QSOX2: variants seen among roughly 807,000 people sequenced by gnomAD.
QSOX2 encodes quiescin sulfhydryl oxidase 2.
Under a neutral mutation model 61.7 loss-of-function variants are expected in QSOX2, and 46 were observed. The observed-to-expected ratio is 0.75, with a 90% confidence interval of 0.59 to 0.95. The LOEUF (loss-of-function observed/expected upper bound fraction) is 0.95. Ranked by LOEUF, QSOX2 falls within the 40% of genes least tolerant of loss-of-function variation. QSOX2 has a pLI of 0.00. For synonymous variants in QSOX2, 383 were observed against 388.4 expected, an observed-to-expected ratio of 0.99 and a Z score of 0.16; for missense variants, 879 against 918.9, an observed-to-expected ratio of 0.96 and a Z score of 0.56.
At position 136,221,735 on chromosome 9, in the gene QSOX2, G is replaced by A. The variant is rs1417141720; in HGVS notation, c.821+61C>T. The A allele has an allele frequency of 1.1e-5, 16 of 1,505,354 alleles. No individual in the cohort carries two copies. The highest frequency in any genetic ancestry group is 1.2e-5 in the Non-Finnish European group (14 of 1,120,858). The allele number at this position is 1,505,354 out of a possible 1,614,324, so 93.2% of individuals were successfully genotyped here. A position where few individuals can be genotyped will look rare whatever the true frequency, so the allele number is the denominator to read the frequency against. On this transcript the variant is annotated intron_variant, in intron 6 of 11. Transcript: ENST00000358701. The surrounding 1 kb of genome is among the most constrained non-coding windows in gnomAD (Gnocchi z 4.5). Reference sequence around the variant, plus strand: ...CACACCAGACTTGCACTGTCTACTCGGAGCCTCTGTCCGGTAACTCCGAGC... The same window carrying A: ...CACACCAGACTTGCACTGTCTACTCAGAGCCTCTGTCCGGTAACTCCGAGC...
intron 8 of QSOX2, among the ~76,000 whole-genome samples, chr9:136,217,681 G>A (rs1225972423): frequency 6.6e-6 from 1 of 152,210 alleles, no homozygotes; most frequent in African/African-American, 2.4e-5. Context: ...CGGAGAAGCC[G>A]GGAGAGGAGA....
Position 136,218,611 on chromosome 9 carries a change from GC to G in QSOX2, c.1086+67del, listed in dbSNP as rs533000915. 787 of 1,539,698 alleles carry G rather than the reference GC, an allele frequency of 5.1e-4. 11 individuals carry two copies. The South Asian group carries it at 9.3e-3, about 18-fold the overall frequency. On this transcript the variant is annotated intron_variant, in intron 8 of 11. Coordinates refer to ENST00000358701, the MANE Select transcript of QSOX2 (RefSeq NM_181701.4). ...TGGCGGAGCCCCCGCAGTGTCCGAC[GC>G]CCCCCAGGGCCCACTCTGTGCAGAG...
chr9:136,213,246 T>G (rs1475797185), intron 10 of QSOX2, among the ~76,000 whole-genome samples: 79 of 54,548 alleles, frequency 1.4e-3, no homozygotes, highest in African/African-American at 3.2e-3. Flanking sequence ...TTGTTGTGTT[T>G]TTTTTTTTTT....
rs1554758417 is a variant in QSOX2 at position 136,245,555 on chromosome 9, G to C, written c.249C>G (p.Leu83=). The C allele has an allele frequency of 6.3e-7, 1 of 1,584,756 alleles. No individual in the cohort carries two copies. Among genetic ancestry groups the C allele is most frequent in the Non-Finnish European group, 8.5e-7 (1 of 1,174,092 alleles). The change falls in exon 1 of 12, where the codon CTC becomes CTG. Residue 83 remains leucine, a synonymous_variant. Transcript: ENST00000358701. Reference sequence around the variant, plus strand: ...CACACCACGACGAGTAGAACTGCACGAGCCACGCGGCCGAGCTGTTGGCGG... The same window carrying C: ...CACACCACGACGAGTAGAACTGCACCAGCCACGCGGCCGAGCTGTTGGCGG... ...GATANSSAAW[L]VQFYSSWCGH...
rs145962136 is a variant in QSOX2, at chr9:136,222,338, G to A, written c.676-397C>T. Reference sequence around the variant, plus strand: ...CTTCGTGGCCGGGGCAGCAGGCCTCGTGCTGCCGCTCCTCCCCAGCCACCC... The same window carrying A: ...CTTCGTGGCCGGGGCAGCAGGCCTCATGCTGCCGCTCCTCCCCAGCCACCC... On this transcript the variant is annotated intron_variant, in intron 5 of 11. Coordinates refer to ENST00000358701, the MANE Select transcript of QSOX2 (RefSeq NM_181701.4). This position sits in a 1 kb window ranked among gnomAD's most constrained non-coding sequence, Gnocchi z 6.9. 9.1e-3 allele frequency among the ~76,000 whole-genome samples: 1,378 copies of A among 152,238 alleles called. 6 individuals are homozygous for A. Among genetic ancestry groups the A allele is most frequent in the Non-Finnish European group, 0.015 (998 of 68,008 alleles).
At chr9:136,234,517 C>G (rs559814171) in intron 1 of QSOX2, among the ~76,000 whole-genome samples, 1 of 152,196 alleles carries the variant, frequency 6.6e-6, no homozygotes, top group Non-Finnish European at 1.5e-5. Context: ...CCTAGAGCAA[C>G]GGTGGCAAAT....
intron 11 of QSOX2, 36 bp downstream of exon 11, chr9:136,211,228 C>A (rs1487396707): frequency 6.2e-7 from 1 of 1,605,280 alleles, no homozygotes; most frequent in Non-Finnish European, 8.5e-7. Context: ...CCTCCCTCCG[C>A]CCGTGCTGAG....
At position 136,219,150 on chromosome 9, in the gene QSOX2, C is replaced by T. The variant is rs766516788; in HGVS notation, c.836G>A (p.Arg279Gln). 7.4e-6 allele frequency: 12 copies of T among 1,613,692 alleles called. No homozygotes were observed. The highest frequency in any genetic ancestry group is 4.5e-5 in the East Asian group (2 of 44,892). Residue 279 changes from arginine (R) to glutamine (Q), a missense_variant, in exon 7 of 12, where the codon CGG becomes CAG. Coordinates refer to ENST00000358701, the MANE Select transcript of QSOX2 (RefSeq NM_181701.4). ...CTTCAAATAAGACGAAAAGAAGGCC[C>T]GCAGAGGCTTCACGCTGTGAGAGAG... is the stretch of plus-strand genomic sequence containing the variant. ...HGLINVVKPL[R>Q]AFFSSYLKSL...
chr9:136,225,188 G>A (rs1830267935), intron 2 of QSOX2, among the ~76,000 whole-genome samples: 1 of 152,164 alleles, frequency 6.6e-6, no homozygotes, highest in South Asian at 2.1e-4. Flanking sequence ...CAACTGGGCT[G>A]GAATCATAAA....
rs937295271 is a variant in QSOX2, at chr9:136,208,112, G to C, written c.*616C>G. On this transcript the variant is annotated 3_prime_UTR_variant, in exon 12 of 12. Transcript: ENST00000358701. ...CCCGGAGGAACAAGGAGAGCCCTCA[G>C]GAACCTGCCCTAGGGAAGCAGCTAC... is the stretch of plus-strand genomic sequence containing the variant. 1 of 151,878 alleles carries C rather than the reference G, an allele frequency of 6.6e-6. No homozygotes were observed. The highest frequency in any genetic ancestry group is 2.4e-5 in the African/African-American group (1 of 41,188). 9.4% of individuals were successfully genotyped at this position (151,878 alleles called of 1,614,324 possible).
intron 1 of QSOX2, among the ~76,000 whole-genome samples, chr9:136,228,828 T>C (rs1056762983): frequency 1.3e-5 from 2 of 152,224 alleles, no homozygotes; most frequent in South Asian, 2.1e-4. Flanking sequence ...TTTTTTGCCT[T>C]GTATTCCGAT....
intron 1 of QSOX2, among the ~76,000 whole-genome samples, chr9:136,228,288 G>C (rs978479537): frequency 4.6e-5 from 7 of 152,162 alleles, no homozygotes; most frequent in African/African-American, 1.7e-4. Flanking sequence ...TGATGAGCTG[G>C]GACAATTCTG....
intron 1 of QSOX2, among the ~76,000 whole-genome samples, chr9:136,236,833 A>G (rs145160933): frequency 0.014 from 1,706 of 124,220 alleles, 31 homozygotes; most frequent in African/African-American, 0.049. Flanking sequence ...CCTGGTGCCC[A>G]TCCTGTCCCA....
Position 136,207,306 on chromosome 9 carries a change from CAT to C in QSOX2, c.*1420_*1421del, listed in dbSNP as rs1231269532. 6.6e-6 allele frequency: 1 copy of C among 151,510 alleles called. No homozygotes were observed. The highest frequency in any genetic ancestry group is 6.6e-5 in the Admixed American group (1 of 15,198). 9.4% of individuals were successfully genotyped at this position (151,510 alleles called of 1,614,324 possible). On this transcript the variant is annotated 3_prime_UTR_variant, in exon 12 of 12. Transcript: ENST00000358701. ...TGTTAGTAAACACATGATTATACAA[CAT>C]AAAGTAGGCAAAGCGGAAAAAATAT...
At chr9:136,235,574 G>A (rs945677062) in intron 1 of QSOX2, among the ~76,000 whole-genome samples, 3 of 152,350 alleles carry the variant, frequency 2.0e-5, no homozygotes, top group East Asian at 1.9e-4. Context: ...CAACAGCCAC[G>A]GGCAGCCACT....
rs144854275 is a variant in QSOX2 at position 136,223,381 on chromosome 9, A to C, written c.675+382T>G. On this transcript the variant is annotated intron_variant, in intron 5 of 11. Transcript: ENST00000358701. The surrounding 1 kb of genome is among the most constrained non-coding windows in gnomAD (Gnocchi z 4.4). ...CGTTTTACAGAATCTTGGATTTGGCAAAAATGTTGAGAGTTCAGAATACGG... is the reference window on the plus strand; with the variant it reads ...CGTTTTACAGAATCTTGGATTTGGCCAAAATGTTGAGAGTTCAGAATACGG... 0.014 allele frequency among the ~76,000 whole-genome samples: 2,072 copies of C among 152,328 alleles called. 23 individuals carry two copies. The highest frequency in any genetic ancestry group is 0.034 in the Middle Eastern group (10 of 294).
chr9:136,223,648 C>T lies in QSOX2; in HGVS notation c.675+115G>A, dbSNP rs1830246916. The T allele has an allele frequency of 1.9e-5, 14 of 737,124 alleles. No individual in the cohort carries two copies. Among genetic ancestry groups the T allele is most frequent in the Non-Finnish European group, 3.2e-5 (14 of 442,424 alleles). The allele number at this position is 737,124 out of a possible 1,614,324, so 45.7% of individuals were successfully genotyped here. A position where few individuals can be genotyped will look rare whatever the true frequency, so the allele number is the denominator to read the frequency against. On this transcript the variant is annotated intron_variant, in intron 5 of 11. Coordinates refer to ENST00000358701, the MANE Select transcript of QSOX2 (RefSeq NM_181701.4). The surrounding 1 kb of genome is among the most constrained non-coding windows in gnomAD (Gnocchi z 4.4). The stretch of plus-strand genomic sequence containing the variant: ...TGATAATGAACAAGACCTAAAGCCA[C>T]AGACAGGACACGAGATGCCGACACA...
chr9:136,217,230 G>A (rs1199092099), intron 8 of QSOX2, among the ~76,000 whole-genome samples: 6 of 152,360 alleles, frequency 3.9e-5, no homozygotes, highest in African/African-American at 7.2e-5. Context: ...GAGGCTGGCC[G>A]ACATCAACAC....
rs140990377 is a variant in QSOX2 at position 136,225,100 on chromosome 9, A to G, written c.430-191T>C. Among the ~76,000 whole-genome samples, 292 of 152,296 alleles carry G rather than the reference A, an allele frequency of 1.9e-3. 1 individual carries two copies. Among genetic ancestry groups the G allele is most frequent in the Middle Eastern group, 6.8e-3 (2 of 294 alleles). ...ATTAATGTTTCCTGTCAGATTTACG[A>G]GGGGGCTAAGGTTAGCTCCAATCAG... On this transcript the variant is annotated intron_variant, in intron 2 of 11. Transcript: ENST00000358701.
Sources: allele counts gnomAD v4.1 joint callset (sites outside exome capture counted in the v4.1 genomes callset), GRCh38; gene constraint gnomAD v4.1.1; non-coding constraint Gnocchi (gnomAD v3.1); transcripts MANE v1.5; gene names NCBI Gene and HGNC (gene_info 2026-07-23, HGNC 2026-07-21).